LCLAT1: variants seen among roughly 807,000 people sequenced by gnomAD.
The protein encoded by LCLAT1 is lysocardiolipin acyltransferase 1.
A neutral mutation model predicts 30.7 loss-of-function variants in LCLAT1; 11 were observed. That is an observed-to-expected ratio of 0.36 (90% CI 0.23 to 0.59). LCLAT1 has a LOEUF of 0.59. Ranked by LOEUF, LCLAT1 falls within the 20% of genes least tolerant of loss-of-function variation. The pLI is 0.77. For missense variants in LCLAT1, 402 were observed against 458.6 expected, an observed-to-expected ratio of 0.88 and a Z score of 1.13; for synonymous variants, 155 against 151.3, an observed-to-expected ratio of 1.02 and a Z score of -0.18.
chr2:30,491,626 A>G (rs1683835928), intron 1 of LCLAT1, among the ~76,000 whole-genome samples: 1 of 152,354 alleles, frequency 6.6e-6, no homozygotes, highest in Admixed American at 6.5e-5. Context: ...AGCTTAAAGC[A>G]GGTGGCCTTA....
In LCLAT1 at chr2:30,512,361, TG is replaced by T. The variant is rs536397567; in HGVS notation, c.-4-13225del. 1.3e-4 allele frequency among the ~76,000 whole-genome samples: 20 copies of T among 152,344 alleles called. No homozygotes were observed. In the South Asian group the frequency reaches 3.9e-3, roughly 30 times the overall value. Reference sequence around the variant, plus strand: ...CTTATGTTGATATTGTTCTGCTGGATGTCTTCTCTTTGCCCTCTGGACACGC... The same window carrying T: ...CTTATGTTGATATTGTTCTGCTGGATTCTTCTCTTTGCCCTCTGGACACGC... On this transcript the variant is annotated intron_variant, in intron 1 of 5. Transcript: ENST00000379509.
intron 2 of LCLAT1, among the ~76,000 whole-genome samples, chr2:30,532,090 C>G (rs949991155): frequency 2.6e-5 from 4 of 152,050 alleles, no homozygotes; most frequent in African/African-American, 9.7e-5. Flanking sequence ...ATATCTTAAT[C>G]TTTTAGAAAG....
intron 3 of LCLAT1, among the ~76,000 whole-genome samples, chr2:30,558,676 A>G (rs79293060): frequency 0.013 from 2,001 of 151,900 alleles, 44 homozygotes; most frequent in African/African-American, 0.044. Flanking sequence ...ATGAATTCTA[A>G]TGGCTAAAAT....
chr2:30,569,931 G>A, intron 5 of LCLAT1, among the ~76,000 whole-genome samples: 1 of 152,068 alleles, frequency 6.6e-6, no homozygotes, highest in South Asian at 2.1e-4. Flanking sequence ...CCTGTGGAAT[G>A]GGGTGGAGAG....
intron 1 of LCLAT1, among the ~76,000 whole-genome samples, chr2:30,518,861 C>A (rs77612101): frequency 0.061 from 9,240 of 152,264 alleles, 459 homozygotes; most frequent in African/African-American, 0.13. Context: ...CAGGGCTAGC[C>A]CCCATCTATT....
intron 3 of LCLAT1, among the ~76,000 whole-genome samples, chr2:30,555,553 A>C (rs1349081774): frequency 6.6e-6 from 1 of 152,168 alleles, no homozygotes; most frequent in South Asian, 2.1e-4. Flanking sequence ...TACAAATCTT[A>C]TAAGAAAGGC....
At position 30,475,828 on chromosome 2, in the gene LCLAT1, A is replaced by G. The variant is rs116525919; in HGVS notation, c.-5+28445A>G. Reference sequence around the variant, plus strand: ...TCAGTATAATGAAATCTCAAGGAACATTCTAATAATTAGAACTATTCCTTT... The same window carrying G: ...TCAGTATAATGAAATCTCAAGGAACGTTCTAATAATTAGAACTATTCCTTT... On this transcript the variant is annotated intron_variant, in intron 1 of 5. Transcript: ENST00000379509. Among the ~76,000 whole-genome samples, 1,192 of 152,362 alleles carry G rather than the reference A, an allele frequency of 7.8e-3. 4 individuals are homozygous for G. The highest frequency in any genetic ancestry group is 0.051 in the Middle Eastern group (15 of 294).
chr2:30,593,952 C>CTAAT (rs1341977960), intron 5 of LCLAT1, among the ~76,000 whole-genome samples: 22 of 148,772 alleles, frequency 1.5e-4, no homozygotes, highest in Admixed American at 1.0e-3. Flanking sequence ...ATGTAAAATT[C>CTAAT]TAATTCTAAA....
At chr2:30,454,259 A>G (rs1157194466) in intron 1 of LCLAT1, among the ~76,000 whole-genome samples, 3 of 152,056 alleles carry the variant, frequency 2.0e-5, no homozygotes, top group Non-Finnish European at 4.4e-5. Flanking sequence ...GATTGTTTTG[A>G]TAGTCTTGCA....
intron 5 of LCLAT1, among the ~76,000 whole-genome samples, chr2:30,631,729 C>G (rs1051649088): frequency 7.2e-5 from 11 of 152,164 alleles, no homozygotes; most frequent in Admixed American, 1.3e-4. Flanking sequence ...TGTACTCAGC[C>G]TTGACTTTCC....
chr2:30,500,665 C>A (rs1161664041), intron 1 of LCLAT1, among the ~76,000 whole-genome samples: 1 of 152,060 alleles, frequency 6.6e-6, no homozygotes, highest in Non-Finnish European at 1.5e-5. Flanking sequence ...GGTAAACTAC[C>A]CTTTGCTATG....
chr2:30,495,777 G>A (rs959279177), intron 1 of LCLAT1, among the ~76,000 whole-genome samples: 2 of 152,146 alleles, frequency 1.3e-5, no homozygotes, highest in African/African-American at 4.8e-5. Flanking sequence ...TAAGCAGTCA[G>A]TAGGTATCAA....
At chr2:30,626,870 A>ATCC (rs1253109097) in intron 5 of LCLAT1, among the ~76,000 whole-genome samples, 1 of 151,852 alleles carries the variant, frequency 6.6e-6, no homozygotes, top group Non-Finnish European at 1.5e-5. Context: ...TTTATCTTTT[A>ATCC]TCCATGGGTT....
chr2:30,496,556 T>C lies in LCLAT1; in HGVS notation c.-4-29031T>C, dbSNP rs573152809. Among the ~76,000 whole-genome samples the C allele has an allele frequency of 5.3e-5, 8 of 152,298 alleles. No individual in the cohort carries two copies. In the South Asian group the frequency reaches 1.0e-3, roughly 20 times the overall value. On this transcript the variant is annotated intron_variant, in intron 1 of 5. Coordinates refer to ENST00000379509, the MANE Select transcript of LCLAT1 (RefSeq NM_001002257.3). ...TGACCTTGGGCACAAACCCATTTTT[T>C]CATCTGTAAAATTCCTACCTTTTCT...
chr2:30,452,467 T>C (rs1681604299), intron 1 of LCLAT1, among the ~76,000 whole-genome samples: 1 of 152,180 alleles, frequency 6.6e-6, no homozygotes. Context: ...CATCATGCTG[T>C]TTTACAATTT....
intron 5 of LCLAT1, among the ~76,000 whole-genome samples, chr2:30,631,581 A>G (rs1668774281): frequency 6.6e-6 from 1 of 152,240 alleles, no homozygotes; most frequent in South Asian, 2.1e-4. Context: ...CAGATCCAGT[A>G]GAGGTCAATG....
intron 1 of LCLAT1, among the ~76,000 whole-genome samples, chr2:30,458,539 G>A (rs1001864127): frequency 2.6e-5 from 4 of 152,076 alleles, no homozygotes; most frequent in African/African-American, 9.7e-5. Flanking sequence ...TGAGGAAGAG[G>A]GAGGAACTGG....
At chr2:30,634,238 A>G (rs999619244) in intron 5 of LCLAT1, among the ~76,000 whole-genome samples, 36 of 152,324 alleles carry the variant, frequency 2.4e-4, no homozygotes, top group African/African-American at 8.7e-4. Flanking sequence ...AAAATATGAA[A>G]CTTTCCAATA....
At chr2:30,556,046 G>T (rs1183256573) in intron 3 of LCLAT1, among the ~76,000 whole-genome samples, 1 of 151,694 alleles carries the variant, frequency 6.6e-6, no homozygotes, top group Non-Finnish European at 1.5e-5. Context: ...CGCCCACCTC[G>T]GCCTTCCAAA....
Sources: gnomAD v4.1 joint callset for allele counts (sites outside exome capture counted in the v4.1 genomes callset) on GRCh38, gnomAD v4.1.1 for gene constraint, MANE v1.5 for transcripts, NCBI Gene and HGNC (gene_info 2026-07-23, HGNC 2026-07-21) for gene names.